Variants in NAALADL2 observed in about 807,000 individuals in gnomAD.
NAALADL2 encodes N-acetylated alpha-linked acidic dipeptidase like 2, also known as inactive N-acetylated-alpha-linked acidic dipeptidase-like protein 2.
NAALADL2 carries 76 observed loss-of-function variants against 87.2 expected under a neutral mutation model. That is an observed-to-expected ratio of 0.87 (90% CI 0.72 to 1.05). NAALADL2 has a LOEUF of 1.05. Among genes scored for constraint, NAALADL2 ranks in the 50% least tolerant of loss-of-function variants. The pLI is 0.00. For missense variants in NAALADL2, 1,089 were observed against 945.8 expected, an observed-to-expected ratio of 1.15 and a Z score of -1.99; for synonymous variants, 354 against 331.0, an observed-to-expected ratio of 1.07 and a Z score of -0.75.
At chr3:174,895,008 A>G (rs1731329582) in intron 1 of NAALADL2, among the ~76,000 whole-genome samples, 1 of 152,108 alleles carries the variant, frequency 6.6e-6, no homozygotes, top group African/African-American at 2.4e-5. Flanking sequence ...ACATACCAAA[A>G]CCTATGGTAT....
At chr3:174,878,082 G>A (rs1298401943) in intron 1 of NAALADL2, among the ~76,000 whole-genome samples, 3 of 152,022 alleles carry the variant, frequency 2.0e-5, no homozygotes, top group Non-Finnish European at 4.4e-5. Flanking sequence ...CTAAAATTTG[G>A]TTACATCGTG....
chr3:175,537,060 T>A (rs1734919824), intron 9 of NAALADL2, among the ~76,000 whole-genome samples: 1 of 152,246 alleles, frequency 6.6e-6, no homozygotes, highest in South Asian at 2.1e-4. Flanking sequence ...TAGGTATTAA[T>A]AACTTGTGTT....
At chr3:174,724,037 A>T (rs1321878448) in intron 2 of NAALADL2, among the ~76,000 whole-genome samples, 1 of 152,074 alleles carries the variant, frequency 6.6e-6, no homozygotes, top group Non-Finnish European at 1.5e-5. Context: ...TCCTATTTGG[A>T]GATGACTATT....
intron 1 of NAALADL2, among the ~76,000 whole-genome samples, chr3:174,456,542 T>C (rs1715850229): frequency 6.8e-6 from 1 of 147,682 alleles, no homozygotes; most frequent in South Asian, 2.1e-4. Context: ...TGGAACAAAA[T>C]AGCCCAGAAA....
intron 9 of NAALADL2, among the ~76,000 whole-genome samples, chr3:175,574,983 A>C (rs988653151): frequency 6.6e-6 from 1 of 152,204 alleles, no homozygotes; most frequent in African/African-American, 2.4e-5. Context: ...TGCATCTCAG[A>C]AATGTTCTAG....
chr3:174,948,203 G>A (rs573469054), intron 1 of NAALADL2, among the ~76,000 whole-genome samples: 3 of 145,802 alleles, frequency 2.1e-5, no homozygotes, highest in South Asian at 2.1e-4. Flanking sequence ...TTGAGATGGA[G>A]TCTTGCTCTG....
chr3:174,823,335 G>A (rs1230893339), intron 3 of NAALADL2, among the ~76,000 whole-genome samples: 2 of 151,370 alleles, frequency 1.3e-5, no homozygotes, highest in East Asian at 3.9e-4. Flanking sequence ...TAATTAAAAT[G>A]TTCCATATGG....
At chr3:175,626,916 C>T (rs1285634452) in intron 10 of NAALADL2, among the ~76,000 whole-genome samples, 1 of 151,772 alleles carries the variant, frequency 6.6e-6, no homozygotes, top group Non-Finnish European at 1.5e-5. Flanking sequence ...AGAATTTGGT[C>T]TTGAACTTCA....
At chr3:175,663,501 A>T (rs1197568765) in intron 11 of NAALADL2, among the ~76,000 whole-genome samples, 1 of 147,758 alleles carries the variant, frequency 6.8e-6, no homozygotes, top group Non-Finnish European at 1.5e-5. Flanking sequence ...TCAATAAAAC[A>T]ACCTTATGTT....
chr3:174,792,808 C>T (rs1242722689), intron 3 of NAALADL2, among the ~76,000 whole-genome samples: 1 of 152,148 alleles, frequency 6.6e-6, no homozygotes, highest in Non-Finnish European at 1.5e-5. Flanking sequence ...GGATTCATAA[C>T]TTCTAAGGAG....
intron 5 of NAALADL2, among the ~76,000 whole-genome samples, chr3:175,356,028 T>C (rs1041493043): frequency 6.6e-6 from 1 of 152,104 alleles, no homozygotes; most frequent in Non-Finnish European, 1.5e-5. Context: ...AAACTCCATA[T>C]CTTGGATAAA....
chr3:175,639,359 T>C (rs186826881), intron 11 of NAALADL2, among the ~76,000 whole-genome samples: 176 of 143,022 alleles, frequency 1.2e-3, no homozygotes, highest in Non-Finnish European at 5.3e-4. Flanking sequence ...CTCGCTCTGT[T>C]GCCCAGGCTG....
At chr3:174,585,279 G>A (rs1334304692) in intron 2 of NAALADL2, among the ~76,000 whole-genome samples, 2 of 152,106 alleles carry the variant, frequency 1.3e-5, no homozygotes, top group African/African-American at 4.8e-5. Context: ...TGTATTGTAG[G>A]AGTACCGTCT....
intron 3 of NAALADL2, among the ~76,000 whole-genome samples, chr3:174,810,412 G>A (rs986643751): frequency 3.3e-5 from 5 of 152,064 alleles, no homozygotes; most frequent in Admixed American, 2.6e-4. Flanking sequence ...TTACTAAGAA[G>A]TGGAGCAAAG....
intron 2 of NAALADL2, among the ~76,000 whole-genome samples, chr3:175,133,415 A>C (rs375508634): frequency 6.6e-6 from 1 of 152,150 alleles, no homozygotes. Context: ...ACGCCACTGC[A>C]CTCCAGCCTG....
chr3:175,281,075 T>C (rs899245612), intron 4 of NAALADL2, among the ~76,000 whole-genome samples: 3 of 150,428 alleles, frequency 2.0e-5, no homozygotes, highest in Non-Finnish European at 4.4e-5. Context: ...GTTTTGTTTT[T>C]CTTTTGAATT....
intron 5 of NAALADL2, among the ~76,000 whole-genome samples, chr3:175,431,960 C>T (rs1020619618): frequency 3.3e-5 from 5 of 151,900 alleles, no homozygotes; most frequent in Non-Finnish European, 7.4e-5. Context: ...CTTTCCCAGA[C>T]TTTTCACATG....
intron 1 of NAALADL2, among the ~76,000 whole-genome samples, chr3:174,918,559 CG>C (rs1734724368): frequency 6.6e-6 from 1 of 152,058 alleles, no homozygotes; most frequent in Admixed American, 6.6e-5. Context: ...AAGGATCTGG[CG>C]GTTGATTGGC....
intron 5 of NAALADL2, among the ~76,000 whole-genome samples, chr3:175,385,451 C>T (rs1768263119): frequency 6.6e-6 from 1 of 151,888 alleles, no homozygotes; most frequent in Non-Finnish European, 1.5e-5. Context: ...AGATAGCTTC[C>T]CTCCACCCTT....
Sources: allele counts gnomAD v4.1 joint callset (sites outside exome capture counted in the v4.1 genomes callset), GRCh38; gene constraint gnomAD v4.1.1; transcripts MANE v1.5; gene names NCBI Gene and HGNC (gene_info 2026-07-23, HGNC 2026-07-21).